Variants in CDH12 observed in about 807,000 individuals in gnomAD.
CDH12 encodes the protein cadherin-12.
CDH12 carries 41 observed loss-of-function variants against 74.1 expected under a neutral mutation model. The ratio of observed to expected loss-of-function variants is 0.55; its 90% CI spans 0.43 to 0.72. CDH12 has a LOEUF of 0.72. CDH12 is among the 30% of genes least tolerant of loss of function. The pLI is 0.00. For missense variants in CDH12, 945 were observed against 977.2 expected, an observed-to-expected ratio of 0.97 and a Z score of 0.44; for synonymous variants, 399 against 355.0, an observed-to-expected ratio of 1.12 and a Z score of -1.39.
intron 1 of CDH12, among the ~76,000 whole-genome samples, chr5:22,820,891 A>G (rs1385928664): frequency 2.6e-5 from 4 of 152,192 alleles, no homozygotes; most frequent in Admixed American, 2.6e-4. Flanking sequence ...TTATGAGGCC[A>G]GCATCATCCT....
chr5:21,891,177 T>C (rs1309358420), intron 6 of CDH12, among the ~76,000 whole-genome samples: 1 of 152,066 alleles, frequency 6.6e-6, no homozygotes, highest in East Asian at 1.9e-4. Context: ...CAATCAATTA[T>C]CTAAGATCAG....
intron 5 of CDH12, among the ~76,000 whole-genome samples, chr5:22,070,103 T>G (rs1048565685): frequency 7.2e-5 from 11 of 152,188 alleles, no homozygotes; most frequent in Non-Finnish European, 8.8e-5. Context: ...TTAATATCTT[T>G]TTTCTTCCCT....
At chr5:22,186,883 A>G (rs1749982408) in intron 4 of CDH12, among the ~76,000 whole-genome samples, 1 of 152,232 alleles carries the variant, frequency 6.6e-6, no homozygotes, top group African/African-American at 2.4e-5. Flanking sequence ...ATAGCAAAAC[A>G]TGCTCGTAAA....
At chr5:22,186,502 C>T (rs563870439) in intron 4 of CDH12, among the ~76,000 whole-genome samples, 18 of 152,072 alleles carry the variant, frequency 1.2e-4, no homozygotes, top group South Asian at 6.2e-4. Flanking sequence ...ACAGAGTCTC[C>T]GTCTTTTGCC....
At chr5:22,706,935 T>C (rs533124395) in intron 1 of CDH12, among the ~76,000 whole-genome samples, 1 of 152,254 alleles carries the variant, frequency 6.6e-6, no homozygotes, top group South Asian at 2.1e-4. Context: ...AGAAAATAAA[T>C]TTACACCCAA....
chr5:22,708,532 A>AAGGGTATGGTGTGCATGCAAACACACC (rs1256112807), intron 1 of CDH12, among the ~76,000 whole-genome samples: 6 of 152,248 alleles, frequency 3.9e-5, no homozygotes, highest in Non-Finnish European at 5.9e-5. Context: ...TCCTGAGACA[A>AAGGGTATGGTGTGCATGCAAACACACC]AGGGTATGGT....
At chr5:22,644,605 A>T (rs189314083) in intron 1 of CDH12, among the ~76,000 whole-genome samples, 1 of 152,038 alleles carries the variant, frequency 6.6e-6, no homozygotes, top group African/African-American at 2.4e-5. Context: ...AAAGTGCAAG[A>T]TAAGGCAGTA....
chr5:21,868,012 A>C (rs1178738201), intron 6 of CDH12, among the ~76,000 whole-genome samples: 4 of 152,110 alleles, frequency 2.6e-5, no homozygotes, highest in African/African-American at 7.2e-5. Context: ...TAGGTCTCAA[A>C]AGATCTGATG....
At chr5:22,551,568 A>G (rs955569991) in intron 1 of CDH12, among the ~76,000 whole-genome samples, 2 of 152,132 alleles carry the variant, frequency 1.3e-5, no homozygotes, top group East Asian at 3.9e-4. Context: ...GGGCCACCAC[A>G]CTAAGAAAAG....
At chr5:21,962,824 A>G (rs1346825997) in intron 6 of CDH12, among the ~76,000 whole-genome samples, 1 of 152,140 alleles carries the variant, frequency 6.6e-6, no homozygotes, top group Admixed American at 6.6e-5. Flanking sequence ...TCAGTAAAAT[A>G]TCTTCCCTGT....
chr5:22,673,760 C>T (rs1741022583), intron 1 of CDH12, among the ~76,000 whole-genome samples: 1 of 152,018 alleles, frequency 6.6e-6, no homozygotes, highest in Non-Finnish European at 1.5e-5. Flanking sequence ...AGTGCTTACT[C>T]ATAAAGATAA....
intron 6 of CDH12, among the ~76,000 whole-genome samples, chr5:21,967,158 A>T (rs1300879351): frequency 6.6e-6 from 1 of 152,126 alleles, no homozygotes; most frequent in Non-Finnish European, 1.5e-5. Flanking sequence ...CATCTATATG[A>T]AATATTCAGT....
chr5:22,270,855 T>C (rs1008534725), intron 3 of CDH12, among the ~76,000 whole-genome samples: 2 of 151,892 alleles, frequency 1.3e-5, no homozygotes, highest in African/African-American at 4.8e-5. Flanking sequence ...TTTGTGTATT[T>C]AGTACAGATA....
chr5:22,345,147 C>T (rs779275609), intron 3 of CDH12, among the ~76,000 whole-genome samples: 3 of 152,158 alleles, frequency 2.0e-5, no homozygotes, highest in South Asian at 2.1e-4. Context: ...CATGGTGTTC[C>T]TATTCTGACA....
intron 6 of CDH12, among the ~76,000 whole-genome samples, chr5:21,971,094 A>G (rs1756834261): frequency 6.6e-6 from 1 of 151,896 alleles, no homozygotes; most frequent in East Asian, 1.9e-4. Flanking sequence ...TCTTTTTAAG[A>G]TATTGAATGA....
chr5:22,068,787 T>A (rs563636969), intron 5 of CDH12, among the ~76,000 whole-genome samples: 26 of 152,328 alleles, frequency 1.7e-4, no homozygotes, highest in Non-Finnish European at 3.4e-4. Context: ...TGTCAGCCTC[T>A]TCCAGCAGCC....
intron 1 of CDH12, among the ~76,000 whole-genome samples, chr5:22,754,335 A>G (rs1017442976): frequency 3.1e-4 from 47 of 152,234 alleles, no homozygotes; most frequent in African/African-American, 1.1e-3. Context: ...TACTGGGGTA[A>G]CAACCCTAGA....
chr5:22,683,680 C>T (rs2126932745), intron 1 of CDH12, among the ~76,000 whole-genome samples: 1 of 152,256 alleles, frequency 6.6e-6, no homozygotes, highest in African/African-American at 2.4e-5. Flanking sequence ...TCCTTTATAT[C>T]ACCTTTTTCG....
intron 4 of CDH12, among the ~76,000 whole-genome samples, chr5:22,211,403 A>G (rs968646554): frequency 2.0e-5 from 3 of 152,210 alleles, no homozygotes; most frequent in African/African-American, 7.2e-5. Context: ...ATATCAAGGT[A>G]AGTGATTGCT....
Sources: gnomAD v4.1 joint callset for allele counts (sites outside exome capture counted in the v4.1 genomes callset) on GRCh38, gnomAD v4.1.1 for gene constraint, MANE v1.5 for transcripts, NCBI Gene and HGNC (gene_info 2026-07-23, HGNC 2026-07-21) for gene names.